AQP7: variants seen among roughly 807,000 people sequenced by gnomAD.
The protein encoded by AQP7 is aquaporin-7.
Under a neutral mutation model 26.1 loss-of-function variants are expected in AQP7, and 22 were observed. The ratio of observed to expected loss-of-function variants is 0.84; its 90% confidence interval spans 0.60 to 1.20. The LOEUF (loss-of-function observed/expected upper bound fraction) is 1.20, where lower values mean the gene tolerates loss of function less well. AQP7 is among the 50% of genes most tolerant of loss of function. AQP7 has a pLI of 0.00. For synonymous variants in AQP7, 167 were observed against 181.7 expected, an observed-to-expected ratio of 0.92 and a Z score of 0.65; for missense variants, 412 against 457.5, an observed-to-expected ratio of 0.90 and a Z score of 0.91.
In AQP7 at chr9:33,384,852, A is replaced by C. The variant is rs1282703213; in HGVS notation, c.*153T>G. The C allele has an allele frequency of 1.3e-5, 11 of 879,108 alleles. No individual in the cohort carries two copies. The highest frequency in any genetic ancestry group is 2.4e-5 in the Admixed American group (1 of 41,186). The allele number at this position is 879,108 out of a possible 1,614,324, so 54.5% of individuals were successfully genotyped here. On this transcript the variant is annotated 3_prime_UTR_variant, in exon 8 of 8. Transcript: ENST00000297988. ...GGGCATGAAAGACTTGAGGTGCCTC[A>C]CCTCTACACCTTGGGCTAAGACATA...
chr9:33,386,203 GAC>G lies in AQP7; in HGVS notation c.407-10_407-9del. On this transcript the variant is annotated splice_polypyrimidine_tract_variant and intron_variant, in intron 5 of 7. Coordinates refer to ENST00000297988, the MANE Select transcript of AQP7 (RefSeq NM_001170.3). The stretch of plus-strand genomic sequence containing the variant: ...AAAAGTGGAGAATGGCCGCTGCGGA[GAC>G]ACAGACTGTCATGCGAACCTGCTCC... 1.2e-6 allele frequency: 2 copies of G among 1,613,988 alleles called. No individual in the cohort carries two copies. The highest frequency in any genetic ancestry group is 1.7e-6 in the Non-Finnish European group (2 of 1,179,848).
At chr9:33,396,589 A>G (rs1564190242) in intron 2 of AQP7, among the ~76,000 whole-genome samples, 1 of 148,590 alleles carries the variant, frequency 6.7e-6, no homozygotes, top group Admixed American at 6.8e-5. Flanking sequence ...CACATCACGT[A>G]CTGCCTTAGC....
chr9:33,385,322 G>A, intron 7 of AQP7, 32 bp from the exon 8 acceptor site: 1 of 1,590,682 alleles, frequency 6.3e-7, no homozygotes, highest in South Asian at 1.1e-5. Flanking sequence ...CTGCTGAGGG[G>A]GCTGATGCCC....
At chr9:33,397,629 A>G (rs1239526013) in intron 2 of AQP7, among the ~76,000 whole-genome samples, 5 of 152,238 alleles carry the variant, frequency 3.3e-5, no homozygotes, top group East Asian at 1.9e-4. Context: ...ATGCCTGGAC[A>G]TCTCTCATTC....
At position 33,386,594 on chromosome 9, in the gene AQP7, G is replaced by C. The variant is rs545111154; in HGVS notation, c.269-53C>G. ...GAGTGAGAGCAGAACAAACAACAGT[G>C]ACAAACAGTATGAGAACAACGATGG... is the stretch of plus-strand genomic sequence containing the variant. On this transcript the variant is annotated intron_variant, in intron 4 of 7. Transcript: ENST00000297988. 527 of 1,579,310 alleles carry C rather than the reference G, an allele frequency of 3.3e-4. 4 individuals carry two copies. In the African/African-American group the frequency reaches 6.3e-3, roughly 19 times the overall value.
At position 33,386,312 on chromosome 9, in the gene AQP7, T is replaced by G. The variant is rs1362062173; in HGVS notation, c.406+92A>C. The G allele has an allele frequency of 1.9e-6, 3 of 1,594,900 alleles. No individual in the cohort carries two copies. The Admixed American group carries it at 5.2e-5, about 27-fold the overall frequency. Reference sequence around the variant, plus strand: ...CTCCAAGGCTTTTTTCTCCCAGCTATTTTTTACAAATCAGGACACTGAGGT... The same window carrying G: ...CTCCAAGGCTTTTTTCTCCCAGCTAGTTTTTACAAATCAGGACACTGAGGT... On this transcript the variant is annotated intron_variant, in intron 5 of 7. Coordinates refer to ENST00000297988, the MANE Select transcript of AQP7 (RefSeq NM_001170.3).
chr9:33,399,765 A>G lies in AQP7; in HGVS notation c.26+1472T>C, dbSNP rs374058241. ...AGCCTGGGACTGGGGGAGCTCAGGG[A>G]AGGCATGGGAGGTGAGGCCTGAAGG... On this transcript the variant is annotated intron_variant, in intron 2 of 7. Coordinates refer to ENST00000297988, the MANE Select transcript of AQP7 (RefSeq NM_001170.3). Among the ~76,000 whole-genome samples, 155 of 152,198 alleles carry G rather than the reference A, an allele frequency of 1.0e-3. 4 individuals are homozygous for G. In the East Asian group the frequency reaches 0.019, roughly 19 times the overall value.
intron 2 of AQP7, chr9:33,401,008 C>G (rs1826231791): frequency 1.7e-6 from 1 of 577,520 alleles, no homozygotes; most frequent in African/African-American, 1.9e-5. Context: ...ATGCCTTGAC[C>G]CTCATCCAAG....
At chr9:33,391,793 T>C (rs569325714) in intron 3 of AQP7, among the ~76,000 whole-genome samples, 2 of 152,306 alleles carry the variant, frequency 1.3e-5, no homozygotes, top group East Asian at 3.9e-4. Flanking sequence ...GGCTTACACC[T>C]CACAAAGTTC....
rs566547084 is a variant in AQP7 at position 33,386,681 on chromosome 9, C to T, written c.269-140G>A. The T allele has an allele frequency of 2.8e-4, 348 of 1,226,384 alleles. 2 individuals are homozygous for T. Among genetic ancestry groups the T allele is most frequent in the Non-Finnish European group, 3.7e-4 (327 of 887,064 alleles). The allele number at this position is 1,226,384 out of a possible 1,614,324, so 76.0% of individuals were successfully genotyped here. On this transcript the variant is annotated intron_variant, in intron 4 of 7. Transcript: ENST00000297988. ...TCTCCTTGAGCCCTCACAACCACCC[C>T]GTGAGGCAGGGGCCACCATCTTCGT... is the stretch of plus-strand genomic sequence containing the variant.
At chr9:33,397,091 AC>A (rs1825909000) in intron 2 of AQP7, among the ~76,000 whole-genome samples, 1 of 119,120 alleles carries the variant, frequency 8.4e-6, no homozygotes, top group Non-Finnish European at 1.7e-5. Context: ...ACAGAGTGAC[AC>A]CCTGTCTCAA....
intron 3 of AQP7, among the ~76,000 whole-genome samples, chr9:33,390,839 C>T (rs559298952): frequency 2.0e-4 from 31 of 152,298 alleles, no homozygotes; most frequent in African/African-American, 6.3e-4. Context: ...AGGCTGGGCG[C>T]GGTGGCTCAC....
At chr9:33,385,939 C>G (rs1342889952) in intron 6 of AQP7, 73 bp from the exon 7 acceptor site, 1 of 1,561,354 alleles carries the variant, frequency 6.4e-7, no homozygotes, top group Non-Finnish European at 8.7e-7. Flanking sequence ...TGCCCCAGAC[C>G]CAAGCCCACC....
At chr9:33,396,201 G>T (rs1194659158) in intron 2 of AQP7, among the ~76,000 whole-genome samples, 1 of 152,164 alleles carries the variant, frequency 6.6e-6, no homozygotes, top group South Asian at 2.1e-4. Flanking sequence ...ACTTTGGTAG[G>T]CCAAGGTGGG....
At chr9:33,400,535 CT>C (rs1243250309) in intron 2 of AQP7, among the ~76,000 whole-genome samples, 10 of 152,080 alleles carry the variant, frequency 6.6e-5, no homozygotes, top group Admixed American at 5.9e-4. Context: ...TAATCCCAAC[CT>C]TTTGGGAGGC....
rs1824589486 is a variant in AQP7, at chr9:33,384,886, G to T, written c.*119C>A. The stretch of plus-strand genomic sequence containing the variant: ...CCTTGGGCTAAGACATAGCCCTGGA[G>T]CTCCTGTAAGAACCCAGGAGGGAAG... On this transcript the variant is annotated 3_prime_UTR_variant, in exon 8 of 8. Transcript: ENST00000297988. 3 of 1,204,112 alleles carry T rather than the reference G, an allele frequency of 2.5e-6. No homozygotes were observed. The highest frequency in any genetic ancestry group is 3.5e-6 in the Non-Finnish European group (3 of 853,034). 74.6% of individuals were successfully genotyped at this position (1,204,112 alleles called of 1,614,324 possible). A position where few individuals can be genotyped will look rare whatever the true frequency, so the allele number is the denominator to read the frequency against.
intron 2 of AQP7, among the ~76,000 whole-genome samples, chr9:33,397,272 G>A (rs1825924296): frequency 6.6e-6 from 1 of 152,036 alleles, no homozygotes; most frequent in African/African-American, 2.4e-5. Flanking sequence ...TGATGAGAAA[G>A]GAGCCAGGCT....
At position 33,387,403 on chromosome 9, in the gene AQP7, G is replaced by A. The variant is rs2236545; in HGVS notation, c.145-311C>T. ...AAGTTTTGGGGTGAGGCAGGGCTGC[G>A]AGGAGGGGATGGCTGGCATGCATTG... On this transcript the variant is annotated intron_variant, in intron 3 of 7. Coordinates refer to ENST00000297988, the MANE Select transcript of AQP7 (RefSeq NM_001170.3). 6.1e-3 allele frequency among the ~76,000 whole-genome samples: 936 copies of A among 152,204 alleles called. 12 individuals are homozygous for A. The highest frequency in any genetic ancestry group is 0.02 in the African/African-American group (834 of 41,518).
intron 2 of AQP7, among the ~76,000 whole-genome samples, chr9:33,395,958 G>C (rs992875029): frequency 5.9e-5 from 9 of 151,862 alleles, no homozygotes; most frequent in Non-Finnish European, 1.0e-4. Flanking sequence ...TGGGGAATCT[G>C]TCTTACTCCC....
Sources: gnomAD v4.1 joint callset for allele counts (sites outside exome capture counted in the v4.1 genomes callset) on GRCh38, gnomAD v4.1.1 for gene constraint, MANE v1.5 for transcripts, NCBI Gene and HGNC (gene_info 2026-07-23, HGNC 2026-07-21) for gene names.